The following FMO5 variants were observed in gnomAD, a reference collection of about 807,000 sequenced individuals.
The protein encoded by FMO5 is flavin containing dimethylaniline monoxygenase 5, also known as flavin-containing monooxygenase 5.
A neutral mutation model predicts 43.6 loss-of-function variants in FMO5; 51 were observed. The ratio of observed to expected loss-of-function variants is 1.17; its 90% CI spans 0.93 to 1.48. The LOEUF is 1.48. Among genes scored for constraint, FMO5 ranks in the 40% most tolerant of loss-of-function variants. The pLI is 0.00. For missense variants in FMO5, 644 were observed against 643.0 expected (o/e 1.00, Z -0.02); for synonymous variants, 187 against 216.5 (o/e 0.86, Z 1.20).
Position 147,224,976 on chromosome 1 carries a change from G to A in FMO5, c.54C>T (p.Ser18=), listed in dbSNP as rs1553927254. Residue 18 remains serine (S), a synonymous_variant, in exon 2 of 9, where the codon TCC becomes TCT. Coordinates refer to ENST00000254090, the MANE Select transcript of FMO5 (RefSeq NM_001461.4). ...VIGGGVSGLS[S]IKCCVEEGLE... is the part of the protein sequence containing the mutation. Reference sequence around the variant, plus strand: ...AGCCTTCTTCTACGCAGCACTTGATGGAAGAGAGCCCGCTCACTCCTCCCC... The same window carrying A: ...AGCCTTCTTCTACGCAGCACTTGATAGAAGAGAGCCCGCTCACTCCTCCCC... The A allele has an allele frequency of 1.9e-6, 3 of 1,613,920 alleles. No individual in the cohort carries two copies. In the South Asian group the frequency reaches 3.3e-5, roughly 18 times the overall value.
At chr1:147,200,899 G>A (rs1422707988) in intron 7 of FMO5, among the ~76,000 whole-genome samples, 1 of 152,086 alleles carries the variant, frequency 6.6e-6, no homozygotes, top group Non-Finnish European at 1.5e-5. Flanking sequence ...CCCCACCCCA[G>A]ACTAACTAAA....
chr1:147,200,356 G>A (rs782310725), intron 7 of FMO5, among the ~76,000 whole-genome samples: 14 of 151,842 alleles, frequency 9.2e-5, no homozygotes, highest in Non-Finnish European at 7.4e-5. Flanking sequence ...ATCTCTCTCC[G>A]GCTTTTTCAG....
intron 2 of FMO5, among the ~76,000 whole-genome samples, chr1:147,217,203 C>T (rs1362903770): frequency 6.6e-6 from 1 of 151,416 alleles, no homozygotes; most frequent in East Asian, 1.9e-4. Context: ...AGCGCCATTG[C>T]ACTCCAGCCT....
At chr1:147,216,974 C>T (rs1662096754) in intron 2 of FMO5, among the ~76,000 whole-genome samples, 1 of 152,232 alleles carries the variant, frequency 6.6e-6, no homozygotes, top group Admixed American at 6.5e-5. Context: ...GGCGTGGTGG[C>T]TCATGCCTGT....
intron 8 of FMO5, among the ~76,000 whole-genome samples, chr1:147,188,571 CAA>C (rs1656059060): frequency 1.4e-5 from 2 of 140,582 alleles, no homozygotes. Context: ...GAAGGTTTCA[CAA>C]AAGAGGTTCA....
chr1:147,225,164 T>G (rs1663825501), intron 1 of FMO5, 98 bp from the exon 2 acceptor site: 1 of 1,523,156 alleles, frequency 6.6e-7, no homozygotes. Context: ...GTACAAGAGG[T>G]GTCTTGAGGA....
intron 7 of FMO5, among the ~76,000 whole-genome samples, chr1:147,195,377 C>T (rs1175213761): frequency 6.6e-6 from 1 of 152,190 alleles, no homozygotes; most frequent in South Asian, 2.1e-4. Context: ...AGATGATCCA[C>T]CCGTCTCTGC....
At chr1:147,216,141 A>G (rs1441477965) in intron 2 of FMO5, among the ~76,000 whole-genome samples, 199 bp from the exon 3 acceptor site, 1 of 152,232 alleles carries the variant, frequency 6.6e-6, no homozygotes, top group Non-Finnish European at 1.5e-5. Context: ...AACAGCATAC[A>G]GTTGAAATGA....
chr1:147,194,605 A>C (rs886274227), intron 7 of FMO5, among the ~76,000 whole-genome samples: 1 of 152,112 alleles, frequency 6.6e-6, no homozygotes, highest in Non-Finnish European at 1.5e-5. Flanking sequence ...CCTAGCCTTG[A>C]CAGTCTTTAC....
chr1:147,204,955 C>T, intron 6 of FMO5: 1 of 1,420,488 alleles, frequency 7.0e-7, no homozygotes, highest in Non-Finnish European at 9.9e-7. Flanking sequence ...GGAAGCCGTT[C>T]ACGTGACCGC....
intron 8 of FMO5, among the ~76,000 whole-genome samples, chr1:147,189,354 T>C (rs1214011322): frequency 6.6e-6 from 1 of 151,554 alleles, no homozygotes; most frequent in Non-Finnish European, 1.5e-5. Context: ...AGGTGAGAAT[T>C]TAGAAAATTT....
At chr1:147,206,610 G>T (rs1553922391) in intron 6 of FMO5, among the ~76,000 whole-genome samples, 3 of 152,278 alleles carry the variant, frequency 2.0e-5, no homozygotes, top group South Asian at 2.1e-4. Context: ...CATGTCCTTT[G>T]TAGAGACATG....
chr1:147,215,723 CA>C (rs1553924816), intron 3 of FMO5, 30 bp downstream of exon 3: 1 of 1,513,932 alleles, frequency 6.6e-7, no homozygotes, highest in Non-Finnish European at 9.0e-7. Flanking sequence ...CAAACAACTT[CA>C]AACACAAAGA....
chr1:147,204,885 C>T (rs1659695865), intron 6 of FMO5: 1 of 1,588,386 alleles, frequency 6.3e-7, no homozygotes, highest in Non-Finnish European at 8.6e-7. Flanking sequence ...TCGCTCCCTC[C>T]TTGAGCATCT....
intron 2 of FMO5, chr1:147,224,048 C>A: frequency 5.0e-6 from 2 of 401,828 alleles, no homozygotes; most frequent in Non-Finnish European, 9.8e-6. Flanking sequence ...TCCCATCGAG[C>A]TGGTTGTCTT....
chr1:147,220,532 A>G (rs1405857987), intron 2 of FMO5, among the ~76,000 whole-genome samples: 6 of 152,224 alleles, frequency 3.9e-5, no homozygotes. Flanking sequence ...ACTTTGTTCC[A>G]AAGAGTATAG....
At chr1:147,186,065 A>G (rs1571114736), downstream of FMO5, among the ~76,000 whole-genome samples, 1 of 152,316 alleles carries the variant, frequency 6.6e-6, no homozygotes, top group African/African-American at 2.4e-5. Flanking sequence ...ATCAAATCAC[A>G]TTTGTAGACC....
intron 6 of FMO5, chr1:147,204,771 T>C: frequency 6.4e-7 from 1 of 1,572,752 alleles, no homozygotes; most frequent in African/African-American, 1.3e-5. Context: ...TGATAACCAT[T>C]TTTTTCATTC....
chr1:147,204,724 G>C (rs1659654986), intron 6 of FMO5: 3 of 1,504,164 alleles, frequency 2.0e-6, no homozygotes, highest in Non-Finnish European at 2.8e-6. Flanking sequence ...TAAAATAGTC[G>C]CTGCATCATT....
Sources: gnomAD v4.1 joint callset for allele counts (sites outside exome capture counted in the v4.1 genomes callset) on GRCh38, gnomAD v4.1.1 for gene constraint, MANE v1.5 for transcripts, NCBI Gene and HGNC (gene_info 2026-07-23, HGNC 2026-07-21) for gene names.